The following SRGAP2B variants were observed in gnomAD, a reference collection of about 807,000 sequenced individuals.
SRGAP2B encodes SLIT-ROBO Rho GTPase-activating protein 2B.
A neutral mutation model predicts 22.2 loss-of-function variants in SRGAP2B; 9 were observed. The ratio of observed to expected loss-of-function variants is 0.41; its 90% confidence interval spans 0.24 to 0.71. The LOEUF (loss-of-function observed/expected upper bound fraction) is 0.71. Among genes scored for constraint, SRGAP2B ranks in the 30% least tolerant of loss-of-function variants. The pLI, the probability that SRGAP2B is intolerant of heterozygous loss-of-function variation, is 0.35. For synonymous variants in SRGAP2B, 36 were observed against 87.4 expected, an observed-to-expected ratio of 0.41 and a Z score of 3.28; for missense variants, 114 against 235.8, an observed-to-expected ratio of 0.48 and a Z score of 3.38.
At chr1:144,965,321 G>A (rs1415780089) in intron 3 of SRGAP2B, among the ~76,000 whole-genome samples, 1 of 143,358 alleles carries the variant, frequency 7.0e-6, no homozygotes, top group Non-Finnish European at 1.5e-5. Flanking sequence ...TCCTCAAGTG[G>A]GTCCCTGACC....
intron 3 of SRGAP2B, among the ~76,000 whole-genome samples, chr1:144,970,225 T>C (rs1453248257): frequency 7.7e-5 from 10 of 130,116 alleles, no homozygotes; most frequent in Non-Finnish European, 1.3e-4. Context: ...TTATTCACAA[T>C]AGCAAAGACT....
chr1:145,075,706 G>C (rs1289782180), intron 2 of SRGAP2B, among the ~76,000 whole-genome samples: 2 of 138,566 alleles, frequency 1.4e-5, no homozygotes, highest in Non-Finnish European at 3.1e-5. Context: ...TCAACAATGA[G>C]TAAACAGAAT....
chr1:145,007,791 C>G (rs1414084234), intron 2 of SRGAP2B, among the ~76,000 whole-genome samples: 3 of 145,852 alleles, frequency 2.1e-5, no homozygotes, highest in Non-Finnish European at 4.5e-5. Flanking sequence ...GCACTACATA[C>G]ATTTCTTCTT....
chr1:144,907,771 A>T (rs1663097798), intron 5 of SRGAP2B, among the ~76,000 whole-genome samples: 1 of 150,632 alleles, frequency 6.6e-6, no homozygotes, highest in African/African-American at 2.5e-5. Flanking sequence ...AATCTAGCTT[A>T]GAAAGACTTT....
At chr1:144,996,118 G>A (rs1670657338) in intron 2 of SRGAP2B, among the ~76,000 whole-genome samples, 3 of 151,302 alleles carry the variant, frequency 2.0e-5, no homozygotes. Context: ...AGCTATAGAT[G>A]CAAACAGATC....
intron 2 of SRGAP2B, among the ~76,000 whole-genome samples, chr1:145,084,448 C>T (rs587620962): frequency 7.1e-5 from 10 of 141,834 alleles, no homozygotes; most frequent in Non-Finnish European, 1.5e-5. Flanking sequence ...CATTATTCAC[C>T]AGCTGCAGAC....
At chr1:144,892,590 C>T (rs1662192708) in intron 9 of SRGAP2B, among the ~76,000 whole-genome samples, 1 of 150,434 alleles carries the variant, frequency 6.6e-6, no homozygotes, top group Non-Finnish European at 1.5e-5. Flanking sequence ...ACCTAAAAGC[C>T]ACTACAACCC....
intron 3 of SRGAP2B, among the ~76,000 whole-genome samples, chr1:144,974,874 G>C (rs1351513193): frequency 6.7e-6 from 1 of 149,958 alleles, no homozygotes; most frequent in African/African-American, 2.5e-5. Flanking sequence ...TGCTGATGCT[G>C]ATGCTGATGC....
At chr1:145,073,052 C>T (rs1258970550) in intron 2 of SRGAP2B, among the ~76,000 whole-genome samples, 2 of 148,664 alleles carry the variant, frequency 1.3e-5, no homozygotes, top group Non-Finnish European at 3.0e-5. Flanking sequence ...CCAGTTTTCT[C>T]TCTCCTTGTT....
intron 2 of SRGAP2B, among the ~76,000 whole-genome samples, chr1:145,068,228 C>A (rs7552858): frequency 8.3e-4 from 112 of 134,184 alleles, no homozygotes; most frequent in Middle Eastern, 3.6e-3. Context: ...AAAAAAAAAA[C>A]AAATACAGCT....
chr1:145,035,995 A>G (rs1297962258), intron 2 of SRGAP2B, among the ~76,000 whole-genome samples: 1 of 139,450 alleles, frequency 7.2e-6, no homozygotes, highest in East Asian at 2.1e-4. Context: ...CCATTCATAC[A>G]TTTATTTTTT....
intron 3 of SRGAP2B, among the ~76,000 whole-genome samples, chr1:144,986,491 G>A (rs1669728529): frequency 6.7e-6 from 1 of 149,414 alleles, no homozygotes; most frequent in Non-Finnish European, 1.5e-5. Context: ...TGTCACTCCA[G>A]AGACCCAGGA....
At chr1:144,939,293 G>C (rs1553606957) in intron 4 of SRGAP2B, among the ~76,000 whole-genome samples, 3 of 148,574 alleles carry the variant, frequency 2.0e-5, no homozygotes, top group Admixed American at 2.0e-4. Context: ...ATCTTCAAAA[G>C]ATATTTCTGT....
intron 4 of SRGAP2B, among the ~76,000 whole-genome samples, chr1:144,925,793 A>AAGAAAGAAAGAAAGAC (rs1664689759): frequency 1.2e-5 from 1 of 81,642 alleles, no homozygotes; most frequent in African/African-American, 4.7e-5. Flanking sequence ...GAAAGAAAGA[A>AAGAAAGAAAGAAAGAC]AGGAGAGAGA....
rs1651815213 is a variant in SRGAP2B, at chr1:145,068,914, TG to T, written c.67+23920del. On this transcript the variant is annotated intron_variant, in intron 2 of 9. Coordinates refer to ENST00000612199, the Ensembl canonical transcript of SRGAP2B. ...TAAAATGTGTGTGTGTGTGTGTGTG[TG>T]TGTGTGTGTGTGTGTGTGTGTGTGT... Among the ~76,000 whole-genome samples, 11 of 138,472 alleles carry T rather than the reference TG, an allele frequency of 7.9e-5. 2 individuals are homozygous for T. In the South Asian group the frequency reaches 2.5e-3, roughly 31 times the overall value. 90.8% of individuals were successfully genotyped at this position (138,472 alleles called of 152,430 possible). A position where few individuals can be genotyped will look rare whatever the true frequency, so the allele number is the denominator to read the frequency against.
intron 4 of SRGAP2B, among the ~76,000 whole-genome samples, chr1:144,925,238 C>CA (rs1190009685): frequency 2.0e-5 from 3 of 150,060 alleles, no homozygotes; most frequent in Admixed American, 2.0e-4. Context: ...CTCCTGACCT[C>CA]AAGTGATCTG....
chr1:144,918,339 C>T (rs1169446565), intron 4 of SRGAP2B: 2 of 149,358 alleles, frequency 1.3e-5, no homozygotes, highest in African/African-American at 2.6e-5. Context: ...CTGGTTCTAT[C>T]GGATGGGAAG....
At chr1:144,932,491 G>C (rs1553605820) in intron 4 of SRGAP2B, among the ~76,000 whole-genome samples, 1 of 150,762 alleles carries the variant, frequency 6.6e-6, no homozygotes, top group African/African-American at 2.5e-5. Context: ...AGCAAGTTGA[G>C]ATGGGGTCAG....
rs587641269 is a variant in SRGAP2B, at chr1:145,015,685, G to C, written c.68-20485C>G. Among the ~76,000 whole-genome samples the C allele has an allele frequency of 1.0e-3, 151 of 146,332 alleles. 10 individuals carry two copies. Among genetic ancestry groups the C allele is most frequent in the African/African-American group, 3.8e-3 (143 of 37,916 alleles). On this transcript the variant is annotated intron_variant, in intron 2 of 9. Coordinates refer to ENST00000612199, the Ensembl canonical transcript of SRGAP2B. ...GGAAAAGTACTCCAGCCAACAGCAT[G>C]TTCAAAGGCCCAGAGGCAACAGAAA...
Sources: gnomAD v4.1 joint callset for allele counts (sites outside exome capture counted in the v4.1 genomes callset) on GRCh38, gnomAD v4.1.1 for gene constraint, MANE v1.5 for transcripts, NCBI Gene and HGNC (gene_info 2026-07-23, HGNC 2026-07-21) for gene names.